Variants in NSMCE2 observed in about 807,000 individuals in gnomAD.
NSMCE2 encodes the protein NSE2 SUMO ligase component of SMC5/6 complex.
In NSMCE2, 24 loss-of-function variants were observed where a neutral mutation model predicts 23.8. The ratio of observed to expected loss-of-function variants is 1.01; its 90% CI spans 0.73 to 1.42. The LOEUF is 1.42. NSMCE2 is among the 40% of genes most tolerant of loss of function. The probability of loss-of-function intolerance (pLI) is 0.00; values close to 1 mark genes in which losing one functional copy is unlikely to be tolerated. For missense variants in NSMCE2, 284 were observed against 296.5 expected (o/e 0.96, Z 0.31); for synonymous variants, 92 against 94.1 (o/e 0.98, Z 0.13).
At position 125,359,816 on chromosome 8, in the gene NSMCE2, C is replaced by T. The variant is rs942592841; in HGVS notation, c.626+1998C>T. ...CTTGAGCCACTATCAACATCCTCTT[C>T]GTTTTTTTCCACCATTGCTCTATAG... On this transcript the variant is annotated intron_variant, in intron 7 of 7. Coordinates refer to ENST00000287437, the MANE Select transcript of NSMCE2 (RefSeq NM_173685.4). Among the ~76,000 whole-genome samples, 5 of 152,162 alleles carry T rather than the reference C, an allele frequency of 3.3e-5. No homozygotes were observed. The East Asian group carries it at 7.7e-4, about 23-fold the overall frequency.
chr8:125,105,459 CAG>C (rs1322508707), intron 3 of NSMCE2, among the ~76,000 whole-genome samples: 2 of 151,770 alleles, frequency 1.3e-5, no homozygotes, highest in Non-Finnish European at 2.9e-5. Context: ...GTTTTAGCTA[CAG>C]AGTTTTTTTT....
At chr8:125,145,584 A>G (rs1476413820) in intron 3 of NSMCE2, among the ~76,000 whole-genome samples, 1 of 152,186 alleles carries the variant, frequency 6.6e-6, no homozygotes. Flanking sequence ...GCTGTAATAA[A>G]TAAACGCTCA....
chr8:125,115,077 T>C (rs1158275733), intron 3 of NSMCE2, among the ~76,000 whole-genome samples: 1 of 152,208 alleles, frequency 6.6e-6, no homozygotes. Flanking sequence ...TCTCAGAGCT[T>C]GGCAGTGGAC....
At chr8:125,168,932 A>G (rs1432219997) in intron 4 of NSMCE2, among the ~76,000 whole-genome samples, 1 of 152,204 alleles carries the variant, frequency 6.6e-6, no homozygotes, top group Non-Finnish European at 1.5e-5. Flanking sequence ...TGTATTCTCA[A>G]CCAGGGTATA....
chr8:125,352,815 T>C (rs1327150463), intron 5 of NSMCE2, among the ~76,000 whole-genome samples: 1 of 152,240 alleles, frequency 6.6e-6, no homozygotes, highest in Non-Finnish European at 1.5e-5. Context: ...TGTGACCTTT[T>C]GTTAGCACAC....
Position 125,151,758 on chromosome 8 carries a change from A to G in NSMCE2, c.264+481A>G, listed in dbSNP as rs149912018. On this transcript the variant is annotated intron_variant, in intron 4 of 7. Transcript: ENST00000287437. ...GGTATTTTGGTTTTTCCAGAAGCCA[A>G]ACTTATCTTTGTTGACTCCAGCTGT... Among the ~76,000 whole-genome samples the G allele has an allele frequency of 3.9e-5, 6 of 152,342 alleles. No homozygotes were observed. In the East Asian group the frequency reaches 5.8e-4, roughly 15 times the overall value.
chr8:125,217,357 TTA>T (rs145809100), intron 5 of NSMCE2, among the ~76,000 whole-genome samples: 442 of 143,434 alleles, frequency 3.1e-3, no homozygotes, highest in African/African-American at 0.01. Flanking sequence ...ATTTATTTAT[TTA>T]TTTTTTATTT....
chr8:125,179,178 CTT>C (rs1203545640), intron 4 of NSMCE2, among the ~76,000 whole-genome samples: 1 of 152,088 alleles, frequency 6.6e-6, no homozygotes, highest in Non-Finnish European at 1.5e-5. Flanking sequence ...TCTGGGTAGA[CTT>C]TATTATTGGG....
chr8:125,350,247 T>G (rs1257882843), intron 5 of NSMCE2, among the ~76,000 whole-genome samples: 1 of 152,152 alleles, frequency 6.6e-6, no homozygotes, highest in Non-Finnish European at 1.5e-5. Context: ...ATAGAGAAAG[T>G]CTGTGTGGCT....
At chr8:125,132,663 C>T (rs1395637388) in intron 3 of NSMCE2, among the ~76,000 whole-genome samples, 2 of 151,932 alleles carry the variant, frequency 1.3e-5, no homozygotes, top group Non-Finnish European at 2.9e-5. Context: ...TCGGGTCATT[C>T]TTTGTATTTT....
intron 5 of NSMCE2, among the ~76,000 whole-genome samples, chr8:125,203,563 C>A (rs574432907): frequency 3.9e-5 from 6 of 152,230 alleles, no homozygotes; most frequent in African/African-American, 1.4e-4. Context: ...AAGTTCATAG[C>A]AAAATTGAGC....
intron 5 of NSMCE2, among the ~76,000 whole-genome samples, chr8:125,316,771 CT>C (rs1563780396): frequency 2.2e-4 from 31 of 140,210 alleles, no homozygotes; most frequent in African/African-American, 4.9e-4. Context: ...TTCCTTCCTT[CT>C]CTCTCTCTCT....
At chr8:125,168,346 G>A (rs538967916) in intron 4 of NSMCE2, among the ~76,000 whole-genome samples, 32 of 152,308 alleles carry the variant, frequency 2.1e-4, no homozygotes, top group African/African-American at 7.5e-4. Flanking sequence ...GAGGATGGAA[G>A]AAAAGGAAGA....
chr8:125,289,420 T>G lies in NSMCE2; in HGVS notation c.419-67799T>G, dbSNP rs555311012. ...TGCTCTCAGTCTGCCCAAGTCCTGC[T>G]TATTCTCTTGGACTCAGCTGTTGGC... On this transcript the variant is annotated intron_variant, in intron 5 of 7. Coordinates refer to ENST00000287437, the MANE Select transcript of NSMCE2 (RefSeq NM_173685.4). Among the ~76,000 whole-genome samples, 10 of 152,308 alleles carry G rather than the reference T, an allele frequency of 6.6e-5. No individual in the cohort carries two copies. In the East Asian group the frequency reaches 1.4e-3, roughly 21 times the overall value.
chr8:125,113,059 G>A (rs1482693276), intron 3 of NSMCE2, among the ~76,000 whole-genome samples: 1 of 78,554 alleles, frequency 1.3e-5, no homozygotes, highest in East Asian at 3.4e-4. Context: ...ACAGAAAATG[G>A]GGGGGGGGGT....
At chr8:125,359,610 G>T (rs904416005) in intron 7 of NSMCE2, among the ~76,000 whole-genome samples, 11 of 152,136 alleles carry the variant, frequency 7.2e-5, no homozygotes, top group Admixed American at 1.3e-4. Context: ...TGGGATTACA[G>T]GCATGAGCCA....
At chr8:125,154,121 G>A (rs527855942) in intron 4 of NSMCE2, among the ~76,000 whole-genome samples, 2 of 152,072 alleles carry the variant, frequency 1.3e-5, no homozygotes, top group Non-Finnish European at 2.9e-5. Flanking sequence ...TGCAAATTGC[G>A]ATACTTCCGT....
intron 5 of NSMCE2, among the ~76,000 whole-genome samples, chr8:125,208,400 T>C (rs1032301731): frequency 4.6e-5 from 7 of 152,340 alleles, no homozygotes; most frequent in African/African-American, 1.7e-4. Flanking sequence ...AAAAGAAACA[T>C]GGGACATAGT....
intron 5 of NSMCE2, among the ~76,000 whole-genome samples, chr8:125,240,714 AT>A (rs145704600): frequency 4.4e-4 from 66 of 149,166 alleles, no homozygotes; most frequent in African/African-American, 1.2e-3. Flanking sequence ...TGTAATGGTT[AT>A]TTTTTTTTTG....
Sources: allele counts gnomAD v4.1 joint callset (sites outside exome capture counted in the v4.1 genomes callset), GRCh38; gene constraint gnomAD v4.1.1; transcripts MANE v1.5; gene names NCBI Gene and HGNC (gene_info 2026-07-23, HGNC 2026-07-21).